The following SLC14A1 variants were observed in gnomAD, a reference collection of about 807,000 sequenced individuals.
The protein encoded by SLC14A1 is solute carrier family 14 member 1 (Kidd blood group).
A neutral mutation model predicts 39.6 loss-of-function variants in SLC14A1; 36 were observed. That is an observed-to-expected ratio of 0.91 (90% CI 0.70 to 1.20). The LOEUF is 1.20. Ranked by LOEUF, SLC14A1 falls within the 50% of genes most tolerant of loss-of-function variation. SLC14A1 has a pLI of 0.00. For synonymous variants in SLC14A1, 164 were observed against 173.6 expected, an observed-to-expected ratio of 0.94 and a Z score of 0.43; for missense variants, 469 against 478.7, an observed-to-expected ratio of 0.98 and a Z score of 0.19.
intron 4 of SLC14A1, among the ~76,000 whole-genome samples, chr18:45,733,813 G>A (rs949689034): frequency 3.9e-5 from 6 of 152,126 alleles, no homozygotes; most frequent in African/African-American, 1.4e-4. Context: ...AGCGGTGGGC[G>A]AGTGAGCATT....
chr18:45,735,348 C>A (rs900736397), intron 5 of SLC14A1, among the ~76,000 whole-genome samples: 1 of 152,204 alleles, frequency 6.6e-6, no homozygotes, highest in African/African-American at 2.4e-5. Context: ...CGAGAATTTG[C>A]GTTTCTAACG....
At chr18:45,725,661 G>T (rs2046845244) in intron 2 of SLC14A1, among the ~76,000 whole-genome samples, 1 of 152,116 alleles carries the variant, frequency 6.6e-6, no homozygotes, top group Non-Finnish European at 1.5e-5. Flanking sequence ...CCGAACCTTG[G>T]GTGGCATTAA....
intron 6 of SLC14A1, among the ~76,000 whole-genome samples, chr18:45,737,078 T>C (rs994927939): frequency 6.6e-6 from 1 of 152,260 alleles, no homozygotes; most frequent in Non-Finnish European, 1.5e-5. Flanking sequence ...CTGCTTTTCC[T>C]TATGGCATAG....
chr18:45,749,326 T>G (rs2047645737), intron 9 of SLC14A1, among the ~76,000 whole-genome samples: 1 of 151,888 alleles, frequency 6.6e-6, no homozygotes, highest in Non-Finnish European at 1.5e-5. Context: ...TAGAGTCTAT[T>G]TGGGAGACAG....
rs376375507 is a variant in SLC14A1, at chr18:45,748,386, G to A, written c.957G>A (p.Thr319=). The A allele has an allele frequency of 1.8e-5, 29 of 1,613,754 alleles. No individual in the cohort carries two copies. Among genetic ancestry groups the A allele is most frequent in the Middle Eastern group, 1.6e-4 (1 of 6,084 alleles). Residue 319 remains threonine, a synonymous_variant, in exon 9 of 10, where the codon ACG becomes ACA. Coordinates refer to ENST00000321925, the MANE Select transcript of SLC14A1 (RefSeq NM_015865.7). ...HLLALGCALF[T]AYLGVGMANF... ...TTTTTTTTTCTGTAGCCCTGTTCACGGCCTATCTTGGAGTCGGCATGGCAA... is the reference window on the plus strand; with the variant it reads ...TTTTTTTTTCTGTAGCCCTGTTCACAGCCTATCTTGGAGTCGGCATGGCAA...
rs1035330807 is a variant in SLC14A1, at chr18:45,751,450, C to T, written c.*1499C>T. 4.1e-6 allele frequency: 4 copies of T among 984,714 alleles called. No individual in the cohort carries two copies. Among genetic ancestry groups the T allele is most frequent in the African/African-American group, 3.5e-5 (2 of 57,028 alleles). 61.0% of individuals were successfully genotyped at this position (984,714 alleles called of 1,614,324 possible). A position where few individuals can be genotyped will look rare whatever the true frequency, so the allele number is the denominator to read the frequency against. ...TCTTTAATTTTAAAGTTATCAGTTC[C>T]GTAAAGTCTCTGTAACCAAACATAC... On this transcript the variant is annotated 3_prime_UTR_variant, in exon 10 of 10. Coordinates refer to ENST00000321925, the MANE Select transcript of SLC14A1 (RefSeq NM_015865.7).
intron 6 of SLC14A1, 61 bp downstream of exon 6, chr18:45,736,709 G>C: frequency 6.9e-7 from 1 of 1,445,248 alleles, no homozygotes; most frequent in Admixed American, 1.7e-5. Context: ...TGGCCTCCTG[G>C]TCAACTGTCC....
intron 3 of SLC14A1, 70 bp downstream of exon 3, chr18:45,730,541 T>C (rs2046998327): frequency 2.9e-5 from 44 of 1,499,056 alleles, no homozygotes; most frequent in South Asian, 1.1e-4. Context: ...CTGGTACTTC[T>C]ACTTATACCT....
At chr18:45,738,620 G>C (rs773376705) in intron 6 of SLC14A1, among the ~76,000 whole-genome samples, 7 of 152,132 alleles carry the variant, frequency 4.6e-5, no homozygotes, top group Admixed American at 2.0e-4. Context: ...TCACAAACTT[G>C]CTAAAAATTA....
At chr18:45,731,506 AAATT>A (rs2047029095) in intron 4 of SLC14A1, 1 of 424,696 alleles carries the variant, frequency 2.4e-6, no homozygotes, top group African/African-American at 2.0e-5. Context: ...ATGATTGATA[AAATT>A]ATTTGTCGTC....
At chr18:45,739,356 C>CA (rs1568040632) in intron 7 of SLC14A1, 46 bp downstream of exon 7, 1 of 1,613,430 alleles carries the variant, frequency 6.2e-7, no homozygotes. Flanking sequence ...TCCTCCATCC[C>CA]ATGCATTGCC....
At chr18:45,749,197 C>G (rs1199670722) in intron 9 of SLC14A1, among the ~76,000 whole-genome samples, 1 of 152,020 alleles carries the variant, frequency 6.6e-6, no homozygotes, top group East Asian at 1.9e-4. Context: ...TAGGGTACCC[C>G]TACACTCCAT....
At chr18:45,733,728 G>A (rs2047098726) in intron 4 of SLC14A1, among the ~76,000 whole-genome samples, 1 of 152,146 alleles carries the variant, frequency 6.6e-6, no homozygotes, top group African/African-American at 2.4e-5. Context: ...TCTCTATCAG[G>A]GGTCCCCAAC....
At chr18:45,744,886 T>C (rs1321497792) in intron 8 of SLC14A1, among the ~76,000 whole-genome samples, 2 of 152,206 alleles carry the variant, frequency 1.3e-5, no homozygotes, top group African/African-American at 4.8e-5. Context: ...GGCCCGATCA[T>C]TCTTTGGCTC....
intron 9 of SLC14A1, among the ~76,000 whole-genome samples, 199 bp from the exon 10 acceptor site, chr18:45,749,579 T>C (rs1382406891): frequency 2.0e-5 from 3 of 152,004 alleles, no homozygotes; most frequent in Non-Finnish European, 4.4e-5. Context: ...GTGGCTGCCC[T>C]AAAGAATGGA....
At chr18:45,740,864 G>A (rs1190325086) in intron 8 of SLC14A1, among the ~76,000 whole-genome samples, 2 of 152,108 alleles carry the variant, frequency 1.3e-5, no homozygotes, top group Non-Finnish European at 2.9e-5. Context: ...AAGTTCTCAG[G>A]GGGTGCTGAT....
chr18:45,726,150 C>T (rs960911827), intron 2 of SLC14A1, among the ~76,000 whole-genome samples: 5 of 152,198 alleles, frequency 3.3e-5, no homozygotes, highest in Non-Finnish European at 7.3e-5. Flanking sequence ...TGGTACAGAA[C>T]TAGCCAGCTA....
intron 8 of SLC14A1, 68 bp from the exon 9 acceptor site, chr18:45,748,308 G>T: frequency 6.6e-7 from 1 of 1,516,592 alleles, no homozygotes; most frequent in Non-Finnish European, 9.2e-7. Flanking sequence ...ATATTGGAAG[G>T]CAGCCTTTCC....
At chr18:45,726,265 G>A (rs1020167382) in intron 2 of SLC14A1, among the ~76,000 whole-genome samples, 1 of 152,058 alleles carries the variant, frequency 6.6e-6, no homozygotes, top group Non-Finnish European at 1.5e-5. Flanking sequence ...AGTCATTCTG[G>A]TAAAGGGTAG....
Sources: allele counts gnomAD v4.1 joint callset (sites outside exome capture counted in the v4.1 genomes callset), GRCh38; gene constraint gnomAD v4.1.1; transcripts MANE v1.5; gene names NCBI Gene and HGNC (gene_info 2026-07-23, HGNC 2026-07-21).